Variants in NKAIN3 observed in about 807,000 individuals in gnomAD.
The protein encoded by NKAIN3 is sodium/potassium-transporting ATPase subunit beta-1-interacting protein 3.
A neutral mutation model predicts 30.2 loss-of-function variants in NKAIN3; 25 were observed. That is an observed-to-expected ratio of 0.83 (90% CI 0.60 to 1.16). The LOEUF is 1.16. NKAIN3 is among the 50% of genes most tolerant of loss of function. The pLI, the probability that NKAIN3 is intolerant of heterozygous loss-of-function variation, is 0.00. For missense variants in NKAIN3, 225 were observed against 254.1 expected, an observed-to-expected ratio of 0.89 and a Z score of 0.78; for synonymous variants, 91 against 89.6, an observed-to-expected ratio of 1.02 and a Z score of -0.09.
rs988603469 is a variant in NKAIN3, at chr8:62,675,755, C to G, written c.274-71177C>G. 1.7e-4 allele frequency among the ~76,000 whole-genome samples: 26 copies of G among 152,240 alleles called. 1 individual carries two copies. Among genetic ancestry groups the G allele is most frequent in the African/African-American group, 6.0e-4 (25 of 41,536 alleles). On this transcript the variant is annotated intron_variant, in intron 3 of 6. Transcript: ENST00000623646. ...GGTGACACTCACCTCATAGGAAGTT[C>G]CTTATAAAAGCAGGTGGACATGTCA...
At chr8:62,255,310 A>G (rs1812231522) in intron 1 of NKAIN3, among the ~76,000 whole-genome samples, 1 of 152,200 alleles carries the variant, frequency 6.6e-6, no homozygotes, top group Non-Finnish European at 1.5e-5. Context: ...TTACTGAGCT[A>G]GAGAGACAGT....
At chr8:62,342,257 GAAAAT>G (rs374245472) in intron 1 of NKAIN3, among the ~76,000 whole-genome samples, 3 of 128,204 alleles carry the variant, frequency 2.3e-5, no homozygotes, top group South Asian at 2.4e-4. Flanking sequence ...AAAAGAGATA[GAAAAT>G]AAAATAAAAG....
At chr8:62,321,632 TG>T (rs1814915379) in intron 1 of NKAIN3, among the ~76,000 whole-genome samples, 1 of 152,268 alleles carries the variant, frequency 6.6e-6, no homozygotes, top group South Asian at 2.1e-4. Flanking sequence ...CAGCGGAGGC[TG>T]CAGAACAGCA....
At chr8:62,321,153 G>T (rs1289105053) in intron 1 of NKAIN3, among the ~76,000 whole-genome samples, 1 of 152,070 alleles carries the variant, frequency 6.6e-6, no homozygotes, top group Non-Finnish European at 1.5e-5. Flanking sequence ...CATTTGTCAC[G>T]TACTTCTCAT....
intron 1 of NKAIN3, among the ~76,000 whole-genome samples, chr8:62,569,057 A>G (rs1444627640): frequency 6.6e-6 from 1 of 152,214 alleles, no homozygotes; most frequent in African/African-American, 2.4e-5. Context: ...TCAGACTACA[A>G]CTGTCTGTTG....
chr8:62,317,122 G>T (rs147670299), intron 1 of NKAIN3, among the ~76,000 whole-genome samples: 1 of 152,108 alleles, frequency 6.6e-6, no homozygotes, highest in African/African-American at 2.4e-5. Flanking sequence ...TTGATGGGTT[G>T]TTTGTTTTTT....
At chr8:62,804,097 G>T (rs1039676897) in intron 4 of NKAIN3, among the ~76,000 whole-genome samples, 2 of 152,132 alleles carry the variant, frequency 1.3e-5, no homozygotes, top group East Asian at 1.9e-4. Flanking sequence ...CCAATAACAG[G>T]CTCTGAAATT....
intron 4 of NKAIN3, among the ~76,000 whole-genome samples, chr8:62,790,380 C>T (rs1016219567): frequency 2.6e-5 from 4 of 152,130 alleles, no homozygotes. Context: ...AAACTGGAAG[C>T]ATTCCCTTTG....
intron 1 of NKAIN3, among the ~76,000 whole-genome samples, chr8:62,506,476 C>CTTTTTTTCTTT (rs1563430942): frequency 1.0e-5 from 1 of 98,436 alleles, no homozygotes; most frequent in Admixed American, 1.2e-4. Flanking sequence ...TTCTTTCTTT[C>CTTTTTTTCTTT]TTTTTTTTTT....
intron 1 of NKAIN3, among the ~76,000 whole-genome samples, chr8:62,544,906 C>G (rs1344946459): frequency 1.3e-5 from 2 of 151,950 alleles, no homozygotes; most frequent in Non-Finnish European, 2.9e-5. Flanking sequence ...TGTATTCTTA[C>G]AATAAAATAA....
intron 3 of NKAIN3, among the ~76,000 whole-genome samples, chr8:62,677,795 G>T (rs1813521490): frequency 6.6e-6 from 1 of 152,140 alleles, no homozygotes; most frequent in East Asian, 1.9e-4. Flanking sequence ...ACCCACCTGT[G>T]CATCTCTGAT....
rs531321151 is a variant in NKAIN3 at position 62,724,872 on chromosome 8, T to C, written c.274-22060T>C. ...CAGATATCTCTTTGATATACCGATG[T>C]CCTTTCTTTCGGGTTTACACCCACC... is the stretch of plus-strand genomic sequence containing the variant. On this transcript the variant is annotated intron_variant, in intron 3 of 6. Transcript: ENST00000623646. Among the ~76,000 whole-genome samples, 183 of 152,308 alleles carry C rather than the reference T, an allele frequency of 1.2e-3. 1 individual carries two copies. Among genetic ancestry groups the C allele is most frequent in the Admixed American group, 2.0e-3 (31 of 15,288 alleles).
chr8:62,781,967 A>G (rs1817366906), intron 4 of NKAIN3, among the ~76,000 whole-genome samples: 1 of 152,170 alleles, frequency 6.6e-6, no homozygotes, highest in South Asian at 2.1e-4. Context: ...AAAAATCTGC[A>G]CAGCAAAATA....
chr8:62,911,140 G>A (rs1275303755), intron 4 of NKAIN3, among the ~76,000 whole-genome samples: 1 of 152,134 alleles, frequency 6.6e-6, no homozygotes, highest in Admixed American at 6.5e-5. Context: ...GGTGTGGGTA[G>A]AAGTATTATA....
chr8:62,665,312 T>C (rs1397260850), intron 3 of NKAIN3, among the ~76,000 whole-genome samples: 3 of 152,150 alleles, frequency 2.0e-5, no homozygotes, highest in Non-Finnish European at 4.4e-5. Flanking sequence ...GCTTACTGCT[T>C]ATTTAGGCCT....
chr8:62,980,549 C>A lies in NKAIN3; in HGVS notation c.*15142C>A, dbSNP rs981240841. On this transcript the variant is annotated 3_prime_UTR_variant, in exon 7 of 7. Coordinates refer to ENST00000623646, the MANE Select transcript of NKAIN3 (RefSeq NM_001304533.3). ...TCAAAACTTGCGTTGTGTTGTGCAG[C>A]CTTTTCTTTGCATTGTCCAGGGGTT... 6.6e-5 allele frequency: 10 copies of A among 152,126 alleles called. No homozygotes were observed. In the East Asian group the frequency reaches 1.3e-3, roughly 21 times the overall value. The allele number at this position is 152,126 out of a possible 1,614,324, so 9.4% of individuals were successfully genotyped here.
chr8:62,659,366 T>C (rs2130354921), intron 3 of NKAIN3, among the ~76,000 whole-genome samples: 1 of 152,054 alleles, frequency 6.6e-6, no homozygotes, highest in Middle Eastern at 3.4e-3. Flanking sequence ...TGCCAGTTTC[T>C]ATATCAGGGT....
At chr8:62,663,791 G>A (rs1306167287) in intron 3 of NKAIN3, among the ~76,000 whole-genome samples, 1 of 152,120 alleles carries the variant, frequency 6.6e-6, no homozygotes, top group South Asian at 2.1e-4. Flanking sequence ...AAAGAATAAA[G>A]GATCTGTGAA....
At chr8:62,644,015 T>A (rs966101864) in intron 3 of NKAIN3, among the ~76,000 whole-genome samples, 1 of 152,034 alleles carries the variant, frequency 6.6e-6, no homozygotes, top group Non-Finnish European at 1.5e-5. Context: ...TTAGTTTTGG[T>A]GAATAAGAAG....
Sources: allele counts gnomAD v4.1 joint callset (sites outside exome capture counted in the v4.1 genomes callset), GRCh38; gene constraint gnomAD v4.1.1; transcripts MANE v1.5; gene names NCBI Gene and HGNC (gene_info 2026-07-23, HGNC 2026-07-21).